CCDC7: variants seen among roughly 807,000 people sequenced by gnomAD.
The protein encoded by CCDC7 is coiled-coil domain containing 7.
Under a neutral mutation model 196.9 loss-of-function variants are expected in CCDC7, and 183 were observed. The observed-to-expected ratio is 0.93, with a 90% CI of 0.82 to 1.05. The LOEUF (loss-of-function observed/expected upper bound fraction) is 1.05, where lower values mean the gene tolerates loss of function less well. Ranked by LOEUF, CCDC7 falls within the 50% of genes least tolerant of loss-of-function variation. The pLI is 0.00. For synonymous variants in CCDC7, 525 were observed against 484.6 expected (o/e 1.08, Z -1.10); for missense variants, 1,540 against 1,482.2 (o/e 1.04, Z -0.64).
chr10:32,453,367 C>T lies in CCDC7; in HGVS notation c.303C>T (p.Thr101=), dbSNP rs574661487. 55 of 1,540,556 alleles carry T rather than the reference C, an allele frequency of 3.6e-5. No individual in the cohort carries two copies. In the African/African-American group the frequency reaches 5.4e-4, roughly 15 times the overall value. The stretch of plus-strand genomic sequence containing the variant: ...AGGTTGTTTCCACTTTGGAAGAAAC[C>T]TATGGACATTGCGATCAGAATGGAG... The change falls in exon 2 of 42, where the codon ACC becomes ACT. Residue 101 remains threonine, a synonymous_variant. Coordinates refer to ENST00000639629, the Ensembl canonical transcript of CCDC7.
intron 32 of CCDC7, among the ~76,000 whole-genome samples, chr10:32,832,512 A>G (rs901272570): frequency 2.0e-5 from 3 of 152,116 alleles, no homozygotes; most frequent in Non-Finnish European, 4.4e-5. Context: ...TGGAGGCCAG[A>G]AGGCAGTAGG....
At chr10:32,800,480 C>G (rs1265414230) in intron 29 of CCDC7, among the ~76,000 whole-genome samples, 1 of 152,090 alleles carries the variant, frequency 6.6e-6, no homozygotes, top group Admixed American at 6.5e-5. Flanking sequence ...AGCTAAAACT[C>G]CATTAATTAC....
At chr10:32,653,010 TTTTG>T (rs1372274304) in intron 20 of CCDC7, among the ~76,000 whole-genome samples, 5 of 152,246 alleles carry the variant, frequency 3.3e-5, no homozygotes, top group Non-Finnish European at 5.9e-5. Flanking sequence ...TTTTCTCACC[TTTTG>T]TTTGTCTAGG....
chr10:32,855,182 C>G (rs182026981), intron 41 of CCDC7, among the ~76,000 whole-genome samples: 141 of 149,078 alleles, frequency 9.5e-4, no homozygotes, highest in African/African-American at 3.2e-3. Context: ...ATCCCAAATA[C>G]TTTTTTTACA....
intron 13 of CCDC7, among the ~76,000 whole-genome samples, chr10:32,565,249 G>T (rs2056589949): frequency 6.6e-6 from 1 of 152,162 alleles, no homozygotes; most frequent in South Asian, 2.1e-4. Flanking sequence ...AAGAGTAGAG[G>T]TTCTTCTTTT....
chr10:32,827,257 A>G (rs1305428328), intron 32 of CCDC7, among the ~76,000 whole-genome samples: 1 of 152,190 alleles, frequency 6.6e-6, no homozygotes, highest in Non-Finnish European at 1.5e-5. Context: ...TGATCTGGCT[A>G]TGGCCACTGC....
chr10:32,860,290 CA>C (rs1300609778), intron 41 of CCDC7, among the ~76,000 whole-genome samples: 1 of 152,040 alleles, frequency 6.6e-6, no homozygotes, highest in Non-Finnish European at 1.5e-5. Context: ...ATCCATCACA[CA>C]AACAGAACCA....
At chr10:32,523,891 G>A (rs1296553668) in intron 11 of CCDC7, among the ~76,000 whole-genome samples, 2 of 149,788 alleles carry the variant, frequency 1.3e-5, no homozygotes, top group Non-Finnish European at 3.0e-5. Context: ...TATGTTTCTT[G>A]TAGGCAACAA....
chr10:32,877,168 C>A (rs2094619411), downstream of CCDC7: 1 of 151,772 alleles, frequency 6.6e-6, no homozygotes, highest in South Asian at 2.1e-4. Flanking sequence ...TTATAATCTC[C>A]CATTGTAAAG....
intron 25 of CCDC7, among the ~76,000 whole-genome samples, chr10:32,716,900 C>T (rs528137379): frequency 3.0e-4 from 45 of 151,778 alleles, no homozygotes; most frequent in Middle Eastern, 3.4e-3. Flanking sequence ...TCATAAAGAA[C>T]GTTCTTAGAG....
At position 32,511,266 on chromosome 10, in the gene CCDC7, G is replaced by GA. The variant is rs377024792; in HGVS notation, c.873-6679_873-6678insA. The GA allele has an allele frequency of 6.5e-5, 36 of 555,616 alleles. 6 individuals are homozygous for GA. Among genetic ancestry groups the GA allele is most frequent in the African/African-American group, 3.8e-4 (17 of 44,820 alleles). The allele number at this position is 555,616 out of a possible 1,614,324, so 34.4% of individuals were successfully genotyped here. On this transcript the variant is annotated intron_variant, in intron 9 of 41. Transcript: ENST00000639629. ...CAGAATTATTCTGTGGGGGGCGGGG[G>GA]GGGCGGGGAAATGTACTTTTTGAAT...
Position 32,702,342 on chromosome 10 carries a change from C to G in CCDC7, c.2458+7350C>G, listed in dbSNP as rs185580513. 2.5e-3 allele frequency among the ~76,000 whole-genome samples: 387 copies of G among 152,252 alleles called. 2 individuals are homozygous for G. Among genetic ancestry groups the G allele is most frequent in the Non-Finnish European group, 2.1e-3 (143 of 68,020 alleles). On this transcript the variant is annotated intron_variant, in intron 24 of 41. Coordinates refer to ENST00000639629, the Ensembl canonical transcript of CCDC7. ...TAGTTGAGCGGTTTTGAGTGACTTT[C>G]TTAATCCTGAGTTCTAGTTTGATTG...
At chr10:32,516,903 G>A (rs1363831138) in intron 9 of CCDC7, among the ~76,000 whole-genome samples, 1 of 152,048 alleles carries the variant, frequency 6.6e-6, no homozygotes, top group African/African-American at 2.4e-5. Flanking sequence ...GCAGAAAAGT[G>A]GAAACAAACA....
At chr10:32,810,758 A>ATT (rs947124003) in intron 30 of CCDC7, among the ~76,000 whole-genome samples, 5 of 152,146 alleles carry the variant, frequency 3.3e-5, no homozygotes, top group African/African-American at 1.2e-4. Flanking sequence ...GTTAGACCAT[A>ATT]TGTTAGGCCA....
rs528484619 is a variant in CCDC7, at chr10:32,629,889, T to A, written c.1802-4365T>A. 1.3e-4 allele frequency among the ~76,000 whole-genome samples: 20 copies of A among 152,184 alleles called. No individual in the cohort carries two copies. The South Asian group carries it at 3.7e-3, about 28-fold the overall frequency. On this transcript the variant is annotated intron_variant, in intron 18 of 41. Transcript: ENST00000639629. Reference sequence around the variant, plus strand: ...CATCCTCAGGAAGAAAGCGCTAGAGTGCCTAATCTCCTGTTCAAAGAAACA... The same window carrying A: ...CATCCTCAGGAAGAAAGCGCTAGAGAGCCTAATCTCCTGTTCAAAGAAACA...
chr10:32,643,703 A>G (rs1201535138), intron 20 of CCDC7, among the ~76,000 whole-genome samples: 2 of 151,968 alleles, frequency 1.3e-5, no homozygotes, highest in Non-Finnish European at 2.9e-5. Context: ...GAAAAATAAA[A>G]TTGACTTTCA....
chr10:32,636,459 A>C (rs1263139273), intron 20 of CCDC7, among the ~76,000 whole-genome samples: 2 of 151,932 alleles, frequency 1.3e-5, no homozygotes, highest in Admixed American at 1.3e-4. Flanking sequence ...ATTCCCACCT[A>C]TGAGTGAGAA....
At chr10:32,679,616 A>T (rs772663628) in intron 21 of CCDC7, among the ~76,000 whole-genome samples, 11 of 152,210 alleles carry the variant, frequency 7.2e-5, no homozygotes, top group Non-Finnish European at 7.3e-5. Context: ...CATTCCCCTT[A>T]CAGATAATGC....
chr10:32,751,131 T>TA (rs1246528134), intron 28 of CCDC7, among the ~76,000 whole-genome samples: 1 of 152,068 alleles, frequency 6.6e-6, no homozygotes, highest in Non-Finnish European at 1.5e-5. Context: ...AATATTTTTT[T>TA]ATCTGGTAAG....
Sources: gnomAD v4.1 joint callset for allele counts (sites outside exome capture counted in the v4.1 genomes callset) on GRCh38, gnomAD v4.1.1 for gene constraint, MANE v1.5 for transcripts, NCBI Gene and HGNC (gene_info 2026-07-23, HGNC 2026-07-21) for gene names.